TAFA2: variants seen among roughly 807,000 people sequenced by gnomAD.
TAFA2 encodes TAFA chemokine like family member 2, also known as chemokine-like protein TAFA-2.
Under a neutral mutation model 18.8 loss-of-function variants are expected in TAFA2, and 7 were observed. The observed-to-expected ratio is 0.37, with a 90% CI of 0.21 to 0.70. The LOEUF is 0.70. TAFA2 is among the 30% of genes least tolerant of loss of function. TAFA2 has a pLI of 0.53. For synonymous variants in TAFA2, 60 were observed against 54.2 expected (o/e 1.11, Z -0.47); for missense variants, 122 against 158.1 (o/e 0.77, Z 1.23).
At chr12:62,243,812 G>A (rs1226536212) in intron 1 of TAFA2, among the ~76,000 whole-genome samples, 1 of 152,126 alleles carries the variant, frequency 6.6e-6, no homozygotes, top group African/African-American at 2.4e-5. Flanking sequence ...ACAGGGTCTT[G>A]CTCTATCACC....
intron 4 of TAFA2, among the ~76,000 whole-genome samples, chr12:61,719,343 T>C (rs1441693364): frequency 6.6e-6 from 1 of 152,174 alleles, no homozygotes; most frequent in Non-Finnish European, 1.5e-5. Flanking sequence ...TCACAATGGA[T>C]GCAAATTCTC....
chr12:61,860,775 TC>T (rs1874093587), intron 2 of TAFA2, among the ~76,000 whole-genome samples: 1 of 152,204 alleles, frequency 6.6e-6, no homozygotes, highest in Non-Finnish European at 1.5e-5. Flanking sequence ...AGCAAAGTCT[TC>T]CCTGAAACTG....
intron 4 of TAFA2, among the ~76,000 whole-genome samples, chr12:61,739,942 T>C (rs999772292): frequency 6.6e-6 from 1 of 152,104 alleles, no homozygotes; most frequent in Non-Finnish European, 1.5e-5. Flanking sequence ...ATATGAATCT[T>C]AGAAACAGGC....
chr12:62,123,518 GA>G (rs571733335), intron 1 of TAFA2, among the ~76,000 whole-genome samples: 3 of 150,212 alleles, frequency 2.0e-5, no homozygotes, highest in South Asian at 2.1e-4. Context: ...GGAAAAGTAA[GA>G]AAAAAAAAGT....
chr12:61,878,095 T>TA (rs1874947361), intron 1 of TAFA2: 3 of 455,260 alleles, frequency 6.6e-6, no homozygotes, highest in South Asian at 4.7e-5. Flanking sequence ...ATACCTAGAA[T>TA]AGTCAAATTC....
rs531078827 is a variant in TAFA2 at position 62,181,997 on chromosome 12, C to G, written c.-2+9262G>C. On this transcript the variant is annotated intron_variant, in intron 1 of 4. Transcript: ENST00000416284. Reference sequence around the variant, plus strand: ...CATCTTTTCTCAAGTCCATCCCCCCCCCGCTACACATAGTAGCTACTCAAG... The same window carrying G: ...CATCTTTTCTCAAGTCCATCCCCCCGCCGCTACACATAGTAGCTACTCAAG... Among the ~76,000 whole-genome samples, 32 of 150,220 alleles carry G rather than the reference C, an allele frequency of 2.1e-4. 1 individual carries two copies. The highest frequency in any genetic ancestry group is 1.2e-3 in the East Asian group (6 of 5,108).
At chr12:61,771,909 CAAAAAA>C (rs58401862) in intron 2 of TAFA2, among the ~76,000 whole-genome samples, 201 of 145,056 alleles carry the variant, frequency 1.4e-3, no homozygotes, top group Non-Finnish European at 2.7e-3. Flanking sequence ...GAAATTGAAA[CAAAAAA>C]AAAAACAGAT....
chr12:61,735,293 T>A (rs987170699), intron 4 of TAFA2, among the ~76,000 whole-genome samples: 1 of 152,070 alleles, frequency 6.6e-6, no homozygotes, highest in African/African-American at 2.4e-5. Flanking sequence ...TTAATTCTTA[T>A]AGTTTGGATG....
At chr12:62,157,975 T>G (rs2062382939) in intron 1 of TAFA2, among the ~76,000 whole-genome samples, 1 of 152,146 alleles carries the variant, frequency 6.6e-6, no homozygotes, top group South Asian at 2.1e-4. Flanking sequence ...CAGGTGAAAA[T>G]TTACATATCT....
At chr12:61,837,415 A>G (rs551908624) in intron 2 of TAFA2, among the ~76,000 whole-genome samples, 1 of 152,184 alleles carries the variant, frequency 6.6e-6, no homozygotes, top group Admixed American at 6.6e-5. Flanking sequence ...ATCTACAGGT[A>G]AAAAGCACTT....
At chr12:61,964,245 A>G (rs747292450) in intron 1 of TAFA2, among the ~76,000 whole-genome samples, 1 of 152,064 alleles carries the variant, frequency 6.6e-6, no homozygotes, top group Non-Finnish European at 1.5e-5. Context: ...TGAACTAAAG[A>G]GTTTCTGCAC....
At chr12:61,731,649 C>T (rs111836356) in intron 4 of TAFA2, among the ~76,000 whole-genome samples, 1,949 of 152,010 alleles carry the variant, frequency 0.013, 52 homozygotes, top group African/African-American at 0.044. Context: ...TGTAAAACCC[C>T]GAGAATTATT....
chr12:62,174,106 A>G (rs1157742016), intron 1 of TAFA2, among the ~76,000 whole-genome samples: 1 of 152,226 alleles, frequency 6.6e-6, no homozygotes, highest in Non-Finnish European at 1.5e-5. Context: ...AGACTGGCCA[A>G]CACAGTGAAA....
At chr12:62,136,699 T>G (rs1870908916) in intron 1 of TAFA2, among the ~76,000 whole-genome samples, 1 of 152,164 alleles carries the variant, frequency 6.6e-6, no homozygotes, top group Admixed American at 6.6e-5. Flanking sequence ...TAACATCTTC[T>G]AACCACAAAG....
intron 1 of TAFA2, among the ~76,000 whole-genome samples, chr12:62,093,465 A>G (rs11174310): frequency 0.19 from 28,291 of 152,084 alleles, 2,884 homozygotes; most frequent in East Asian, 0.39. Context: ...TTTTTAACAA[A>G]TAGAATTTAC....
intron 1 of TAFA2, among the ~76,000 whole-genome samples, chr12:62,229,081 TA>T (rs1828872462): frequency 6.6e-6 from 1 of 152,190 alleles, no homozygotes; most frequent in African/African-American, 2.4e-5. Context: ...GCAACTTTAC[TA>T]AATTCATTTA....
chr12:62,252,919 C>T (rs1015832258), intron 1 of TAFA2: 4 of 152,292 alleles, frequency 2.6e-5, no homozygotes, highest in Admixed American at 1.3e-4. Context: ...AAAATCCATA[C>T]CTGAAATATG....
At chr12:62,182,600 C>A (rs1592387656) in intron 1 of TAFA2, among the ~76,000 whole-genome samples, 1 of 152,246 alleles carries the variant, frequency 6.6e-6, no homozygotes, top group Non-Finnish European at 1.5e-5. Flanking sequence ...AATTTGTGTA[C>A]ACATAGAAGT....
intron 1 of TAFA2, among the ~76,000 whole-genome samples, chr12:62,202,645 T>C (rs2062676121): frequency 6.6e-6 from 1 of 151,886 alleles, no homozygotes; most frequent in South Asian, 2.1e-4. Flanking sequence ...TGATGTGGCA[T>C]TTAGTGTTAT....
Sources: allele counts gnomAD v4.1 joint callset (sites outside exome capture counted in the v4.1 genomes callset), GRCh38; gene constraint gnomAD v4.1.1; transcripts MANE v1.5; gene names NCBI Gene and HGNC (gene_info 2026-07-23, HGNC 2026-07-21).